Variants in TTN observed in about 807,000 individuals in gnomAD.
The protein encoded by TTN is connectin.
A neutral mutation model predicts 3,223.0 loss-of-function variants in TTN; 1,525 were observed. The ratio of observed to expected loss-of-function variants is 0.47; its 90% CI spans 0.45 to 0.49. The LOEUF (loss-of-function observed/expected upper bound fraction) is 0.49, where lower values mean the gene tolerates loss of function less well. TTN is among the 20% of genes least tolerant of loss of function. The pLI is 0.00. For missense variants in TTN, 40,786 were observed against 43,424.0 expected (o/e 0.94, Z 5.40); for synonymous variants, 14,094 against 15,161.0 (o/e 0.93, Z 5.17).
Position 178,617,892 on chromosome 2 carries a change from A to C in TTN, c.47459T>G (p.Val15820Gly). ...TVRAEDLSATVTDVVEGQEYS... is the reference protein window; with the variant it reads ...TVRAEDLSATGTDVVEGQEYS... ...CTCCTGTCCTTCTACCACATCAGTAACAGTTGCAGACAGGTCTTCAGCTCT... is the reference window on the plus strand; with the variant it reads ...CTCCTGTCCTTCTACCACATCAGTACCAGTTGCAGACAGGTCTTCAGCTCT... Residue 15820 changes from valine to glycine, a missense_variant, in exon 253 of 363, where the codon GTT (valine) becomes GGT (glycine). Val to Gly is a moderately radical substitution (Grantham distance 109, BLOSUM62 -3). Transcript: ENST00000589042. The C allele has an allele frequency of 6.2e-7, 1 of 1,612,668 alleles. No individual in the cohort carries two copies. The highest frequency in any genetic ancestry group is 8.5e-7 in the Non-Finnish European group (1 of 1,179,086).
intron 47 of TTN, chr2:178,745,827 C>T: frequency 6.2e-7 from 1 of 1,613,248 alleles, no homozygotes; most frequent in Non-Finnish European, 8.5e-7. Flanking sequence ...CCTATTGGTG[C>T]ATAACAGTCA....
intron 268 of TTN, 23 bp downstream of exon 268, chr2:178,611,735 T>C: frequency 6.2e-7 from 1 of 1,611,366 alleles, no homozygotes. Flanking sequence ...GACAATATCT[T>C]GTGTATAATC....
Position 178,530,741 on chromosome 2 carries a change from G to A in TTN, c.105874C>T (p.Leu35292=), listed in dbSNP as rs1443382219. 3.1e-6 allele frequency: 5 copies of A among 1,613,898 alleles called. No individual in the cohort carries two copies. In the South Asian group the frequency reaches 4.4e-5, roughly 14 times the overall value. The stretch of plus-strand genomic sequence containing the variant: ...ATCTCTTTAGAAGCTTCTGCTTTCA[G>A]GAACTGAGTAATCTTTGGTGGGGCA... ...VSAPPKITQF[L]KAEASKEIAK... is the part of the protein sequence containing the mutation. Residue 35292 remains leucine, a synonymous_variant, in exon 358 of 363, where the codon CTG becomes TTG. Coordinates refer to ENST00000589042, the MANE Select transcript of TTN (RefSeq NM_001267550.2).
chr2:178,569,656 A>T lies in TTN; in HGVS notation c.76476T>A (p.His25492Gln). The change falls in exon 326 of 363, where the codon CAT (histidine) becomes CAA (glutamine). Residue 25492 changes from histidine to glutamine, a missense_variant. By Grantham distance (24) the His-to-Gln change is conservative (BLOSUM62 0). Transcript: ENST00000589042. ...CTATAATAGGTCCAGGGACGTCAGC[A>T]TGTTCTCCAACTCCAGCTTTATTAA... ...CAINKAGVGE[H>Q]ADVPGPIIVE... 1.2e-6 allele frequency: 2 copies of T among 1,612,450 alleles called. No homozygotes were observed. Among genetic ancestry groups the T allele is most frequent in the Non-Finnish European group, 1.7e-6 (2 of 1,179,240 alleles).
In TTN at chr2:178,548,043, T is replaced by C; in HGVS notation, c.93583A>G (p.Ser31195Gly). The C allele has an allele frequency of 6.2e-7, 1 of 1,613,894 alleles. No homozygotes were observed. The highest frequency in any genetic ancestry group is 8.5e-7 in the Non-Finnish European group (1 of 1,179,820). Residue 31195 changes from serine (S) to glycine (G), a missense_variant, in exon 339 of 363, where the codon AGT (serine) becomes GGT (glycine). Ser to Gly is a moderately conservative substitution (Grantham distance 56). Coordinates refer to ENST00000589042, the MANE Select transcript of TTN (RefSeq NM_001267550.2). The surrounding 1 kb of genome is among the most constrained non-coding windows in gnomAD (Gnocchi z 4.3). Reference protein sequence around the residue: ...RVKAKNDAGYSEPREAFSSVI... With the variant: ...RVKAKNDAGYGEPREAFSSVI... Reference sequence around the variant, plus strand: ...GAAGAGAAGGCTTCTCTGGGTTCACTATAGCCAGCATCATTCTTGGCCTTC... The same window carrying C: ...GAAGAGAAGGCTTCTCTGGGTTCACCATAGCCAGCATCATTCTTGGCCTTC...
At chr2:178,600,801 C>T in intron 288 of TTN, 53 bp downstream of exon 288, 2 of 1,603,624 alleles carry the variant, frequency 1.2e-6, no homozygotes, top group Non-Finnish European at 8.5e-7. Flanking sequence ...TTATTGAACA[C>T]CTAGGAAGGC....
chr2:178,702,145 G>A, intron 108 of TTN, 23 bp downstream of exon 108: 1 of 1,613,700 alleles, frequency 6.2e-7, no homozygotes, highest in Non-Finnish European at 8.5e-7. Flanking sequence ...TGGCAGGGTG[G>A]CTTTCTGATG....
At position 178,594,638 on chromosome 2, in the gene TTN, C is replaced by G. The variant is rs558844442; in HGVS notation, c.57856G>C (p.Glu19286Gln). 2.5e-6 allele frequency: 4 copies of G among 1,596,294 alleles called. No individual in the cohort carries two copies. The highest frequency in any genetic ancestry group is 1.1e-5 in the South Asian group (1 of 88,324). The change falls in exon 296 of 363, where the codon GAG (glutamate) becomes CAG (glutamine). Residue 19286 changes from glutamate to glutamine, a missense_variant. Coordinates refer to ENST00000589042, the MANE Select transcript of TTN (RefSeq NM_001267550.2). ...LVIREPITVP[E>Q]RPEDLEVKEV... ...TTGACTTCCAGGTCTTCAGGACGCT[C>G]TGGTACAGCTGCGAATATAAGTATA...
rs905341036 is a variant in TTN at position 178,583,809 on chromosome 2, G to A, written c.65373C>T (p.Gly21791=). 3 of 1,609,886 alleles carry A rather than the reference G, an allele frequency of 1.9e-6. No homozygotes were observed. In the African/African-American group the frequency reaches 4.0e-5, roughly 22 times the overall value. The change falls in exon 312 of 363, where the codon GGC becomes GGT. Residue 21791 remains glycine (G), a synonymous_variant. Transcript: ENST00000589042. ...GAAGTTTGCAAGCTTCTACGAAATA[G>A]CCAATAATTTTACTGCCTCCATCAT... is the stretch of plus-strand genomic sequence containing the variant. ...PKHDGGSKII[G]YFVEACKLPG... is the part of the protein sequence containing the mutation.
chr2:178,697,347 T>C (rs2073924820), intron 112 of TTN, among the ~76,000 whole-genome samples, 179 bp from the exon 113 acceptor site: 1 of 152,104 alleles, frequency 6.6e-6, no homozygotes, highest in South Asian at 2.1e-4. Context: ...TCATTAGAAA[T>C]GCTATGCAAG....
Position 178,770,613 on chromosome 2 carries a change from T to C in TTN, c.8179A>G (p.Thr2727Ala). ...ACATTAGGGTGTGTAAGCTCGACAG[T>C]GAAAACAGCATCCTGTGTTTCTGTC... ...TVTETQDAVF[T>A]VELTHPNVKG... Residue 2727 changes from threonine to alanine, a missense_variant, in exon 35 of 363, where the codon ACT becomes GCT. Coordinates refer to ENST00000589042, the MANE Select transcript of TTN (RefSeq NM_001267550.2). 2 of 1,614,160 alleles carry C rather than the reference T, an allele frequency of 1.2e-6. No homozygotes were observed. Among genetic ancestry groups the C allele is most frequent in the Non-Finnish European group, 1.7e-6 (2 of 1,180,014 alleles).
At position 178,558,346 on chromosome 2, in the gene TTN, T is replaced by G; in HGVS notation, c.87113A>C (p.Gln29038Pro). Residue 29038 changes from glutamine to proline, a missense_variant, in exon 327 of 363, where the codon CAA (glutamine) becomes CCA (proline). Coordinates refer to ENST00000589042, the MANE Select transcript of TTN (RefSeq NM_001267550.2). Reference protein sequence around the residue: ...ELLLPVLIKEQLEPPEIDMKN... With the variant: ...ELLLPVLIKEPLEPPEIDMKN... ...CTACACAAAATTAGACATACCTAGT[T>G]GCTCCTTAATAAGAACAGGAAGCAG... 2 of 1,610,848 alleles carry G rather than the reference T, an allele frequency of 1.2e-6. No homozygotes were observed. Among genetic ancestry groups the G allele is most frequent in the Non-Finnish European group, 1.7e-6 (2 of 1,179,102 alleles).
rs1235519093 is a variant in TTN, at chr2:178,723,952, A to T, written c.21307T>A (p.Leu7103Met). ...TFSDNVCTLQ[L>M]NSLDSSDMGN... ...ATATCTGAGGAATCCAGAGAATTCA[A>T]CTGCAATGTGCAGACATTATCTGAA... The change falls in exon 73 of 363, where the codon TTG (leucine) becomes ATG (methionine). Residue 7103 changes from leucine to methionine, a missense_variant. Leu to Met is a conservative substitution (Grantham distance 15). Coordinates refer to ENST00000589042, the MANE Select transcript of TTN (RefSeq NM_001267550.2). 4 of 1,613,624 alleles carry T rather than the reference A, an allele frequency of 2.5e-6. No individual in the cohort carries two copies. The highest frequency in any genetic ancestry group is 3.4e-6 in the Non-Finnish European group (4 of 1,179,622).
At position 178,590,627 on chromosome 2, in the gene TTN, G is replaced by A. The variant is rs755233818; in HGVS notation, c.61098C>T (p.Cys20366=). The A allele has an allele frequency of 1.3e-5, 21 of 1,612,996 alleles. No individual in the cohort carries two copies. Among genetic ancestry groups the A allele is most frequent in the Non-Finnish European group, 1.7e-5 (20 of 1,179,358 alleles). The part of the protein sequence containing the change: ...PSPSSDPIKA[C]RPIKPPGPPI... Reference sequence around the variant, plus strand: ...GTGGTCCAGGTGGTTTGATGGGCCGGCAAGCTTTTATTGGATCAGAACTTG... The same window carrying A: ...GTGGTCCAGGTGGTTTGATGGGCCGACAAGCTTTTATTGGATCAGAACTTG... The change falls in exon 304 of 363, where the codon TGC becomes TGT. Residue 20366 remains cysteine, a synonymous_variant. Transcript: ENST00000589042.
Position 178,566,453 on chromosome 2 carries a change from T to G in TTN, c.79679A>C (p.Lys26560Thr). Reference sequence around the variant, plus strand: ...TTTGTTGAGGGCACAGACTCGTATTTTATACTCTTGGTGTTCAGTGAGTTT... The same window carrying G: ...TTTGTTGAGGGCACAGACTCGTATTGTATACTCTTGGTGTTCAGTGAGTTT... The part of the protein sequence containing the change: ...ISKLTEHQEY[K>T]IRVCALNKVG... The change falls in exon 326 of 363, where the codon AAA (lysine) becomes ACA (threonine). Residue 26560 changes from lysine to threonine, a missense_variant. Lys to Thr is a moderately conservative substitution (Grantham distance 78, BLOSUM62 -1). Coordinates refer to ENST00000589042, the MANE Select transcript of TTN (RefSeq NM_001267550.2). 1 of 1,613,498 alleles carries G rather than the reference T, an allele frequency of 6.2e-7. No homozygotes were observed. Among genetic ancestry groups the G allele is most frequent in the South Asian group, 1.1e-5 (1 of 91,086 alleles).
Position 178,540,280 on chromosome 2 carries a change from C to G in TTN, c.97886G>C (p.Gly32629Ala). The G allele has an allele frequency of 4.3e-6, 7 of 1,613,796 alleles. No individual in the cohort carries two copies. The highest frequency in any genetic ancestry group is 5.9e-6 in the Non-Finnish European group (7 of 1,179,764). Residue 32629 changes from glycine to alanine, a missense_variant, in exon 351 of 363, where the codon GGA (glycine) becomes GCA (alanine). By Grantham distance (60) the Gly-to-Ala change is moderately conservative (BLOSUM62 0). Transcript: ENST00000589042. ...LAWSVPEDEG[G>A]SKVTGYLIEM... ...AATCAAGTAGCCTGTGACTTTAGAT[C>G]CTCCTTCATCTTCTGGAACACTCCA...
At position 178,625,315 on chromosome 2, in the gene TTN, T is replaced by C. The variant is rs761382291; in HGVS notation, c.44506A>G (p.Thr14836Ala). ...KLEDAGEVQLTAKDFKTHANL... is the reference protein window; with the variant it reads ...KLEDAGEVQLAAKDFKTHANL... ...GCGTGAGTTTTGAAATCTTTTGCTG[T>C]TAGTTGGACTTCCCCAGCATCTTCT... Residue 14836 changes from threonine (T) to alanine (A), a missense_variant, in exon 241 of 363, where the codon ACA becomes GCA. Transcript: ENST00000589042. 3.1e-6 allele frequency: 5 copies of C among 1,608,042 alleles called. No individual in the cohort carries two copies. The highest frequency in any genetic ancestry group is 4.2e-6 in the Non-Finnish European group (5 of 1,177,162).
Position 178,693,615 on chromosome 2 carries a change from G to T in TTN, c.31588C>A (p.Pro10530Thr). The part of the protein sequence containing the change: ...VAISKRVEPP[P>T]KVPELPEKPA... ...TAGAATGAATTACTAATACCTTTAG[G>T]TGGTGGTTCAACCCTTTTGGAAATG... Residue 10530 changes from proline to threonine, a missense_variant, in exon 119 of 363, where the codon CCT (proline) becomes ACT (threonine). Pro to Thr is a conservative substitution (Grantham distance 38, BLOSUM62 -1). Coordinates refer to ENST00000589042, the MANE Select transcript of TTN (RefSeq NM_001267550.2). 6.3e-7 allele frequency: 1 copy of T among 1,591,160 alleles called. No homozygotes were observed. The highest frequency in any genetic ancestry group is 8.6e-7 in the Non-Finnish European group (1 of 1,164,322).
intron 47 of TTN, chr2:178,745,303 T>C (rs975456139): frequency 1.3e-5 from 16 of 1,262,430 alleles, no homozygotes; most frequent in Non-Finnish European, 1.5e-5. Context: ...TGAGGGTAAA[T>C]AGAAGTACAA....
Sources: allele counts gnomAD v4.1 joint callset (sites outside exome capture counted in the v4.1 genomes callset), GRCh38; gene constraint gnomAD v4.1.1; non-coding constraint Gnocchi (gnomAD v3.1); transcripts MANE v1.5; gene names NCBI Gene and HGNC (gene_info 2026-07-23, HGNC 2026-07-21).